DAB1: variants seen among roughly 807,000 people sequenced by gnomAD.
The protein encoded by DAB1 is DAB adaptor protein 1, also known as disabled homolog 1.
In DAB1, 15 loss-of-function variants were observed where a neutral mutation model predicts 64.6. The ratio of observed to expected loss-of-function variants is 0.23; its 90% CI spans 0.16 to 0.36. DAB1 has a LOEUF of 0.36. Among genes scored for constraint, DAB1 ranks in the 10% least tolerant of loss-of-function variants. The pLI, the probability that DAB1 is intolerant of heterozygous loss-of-function variation, is 1.00. For synonymous variants in DAB1, 235 were observed against 251.9 expected (o/e 0.93, Z 0.64); for missense variants, 596 against 706.7 (o/e 0.84, Z 1.78).
intron 2 of DAB1, among the ~76,000 whole-genome samples, chr1:58,523,617 T>C (rs188186044): frequency 3.7e-3 from 560 of 152,224 alleles, no homozygotes; most frequent in Non-Finnish European, 6.2e-3. Context: ...CTGGCAGTCC[T>C]GGCCGGGCGC....
At chr1:57,535,582 C>T (rs1644717333) in intron 7 of DAB1, among the ~76,000 whole-genome samples, 1 of 151,624 alleles carries the variant, frequency 6.6e-6, no homozygotes, top group Non-Finnish European at 1.5e-5. Flanking sequence ...CCTGCCTCAG[C>T]CTCCTGAGTA....
At chr1:57,493,012 C>T (rs780276615) in intron 7 of DAB1, among the ~76,000 whole-genome samples, 17 of 152,082 alleles carry the variant, frequency 1.1e-4, no homozygotes, top group Non-Finnish European at 2.1e-4. Context: ...CTTCTATGCC[C>T]CTATGCTACC....
chr1:57,910,055 A>T (rs1410042254), intron 5 of DAB1, among the ~76,000 whole-genome samples: 1 of 152,232 alleles, frequency 6.6e-6, no homozygotes, highest in Non-Finnish European at 1.5e-5. Flanking sequence ...CCCATTAATT[A>T]ACTGTTTAAC....
At chr1:57,381,155 G>A (rs1681338895) in intron 1 of DAB1, among the ~76,000 whole-genome samples, 1 of 152,096 alleles carries the variant, frequency 6.6e-6, no homozygotes, top group African/African-American at 2.4e-5. Flanking sequence ...CTAGTTCTTA[G>A]TTATATACAA....
chr1:57,089,227 A>T (rs1480844060), intron 4 of DAB1, among the ~76,000 whole-genome samples: 2 of 152,332 alleles, frequency 1.3e-5, no homozygotes, highest in East Asian at 1.9e-4. Context: ...GTATCCCATG[A>T]GGGAATAACT....
chr1:57,297,953 C>A (rs1673338123), intron 1 of DAB1, among the ~76,000 whole-genome samples: 3 of 152,090 alleles, frequency 2.0e-5, no homozygotes, highest in African/African-American at 7.2e-5. Flanking sequence ...TCCTTTCTTC[C>A]TGAGCTCTAA....
chr1:57,910,922 T>A (rs146473796), intron 5 of DAB1, among the ~76,000 whole-genome samples: 146 of 152,278 alleles, frequency 9.6e-4, no homozygotes, highest in African/African-American at 3.2e-3. Context: ...CAAACAGGAA[T>A]GATACTGCCT....
At chr1:57,171,591 G>A (rs1242775561) in intron 2 of DAB1, among the ~76,000 whole-genome samples, 1 of 152,126 alleles carries the variant, frequency 6.6e-6, no homozygotes, top group Non-Finnish European at 1.5e-5. Flanking sequence ...AGTTCTTACT[G>A]TCAAATCTTC....
chr1:57,978,040 T>G (rs1226051715), intron 5 of DAB1, among the ~76,000 whole-genome samples: 1 of 152,186 alleles, frequency 6.6e-6, no homozygotes, highest in East Asian at 1.9e-4. Flanking sequence ...CCACTGATTT[T>G]CTTCACAGAA....
At chr1:57,900,758 C>G (rs755257107) in intron 5 of DAB1, among the ~76,000 whole-genome samples, 2 of 152,208 alleles carry the variant, frequency 1.3e-5, no homozygotes, top group Non-Finnish European at 2.9e-5. Flanking sequence ...CAGGCCTTCT[C>G]TGACTTCCCA....
At chr1:58,192,242 C>A (rs1205105065) in intron 4 of DAB1, among the ~76,000 whole-genome samples, 1 of 152,098 alleles carries the variant, frequency 6.6e-6, no homozygotes, top group Non-Finnish European at 1.5e-5. Context: ...GCTGGCAGGG[C>A]TAGGAATGGG....
At chr1:58,317,766 C>G (rs1662590817) in intron 4 of DAB1, among the ~76,000 whole-genome samples, 1 of 152,184 alleles carries the variant, frequency 6.6e-6, no homozygotes, top group East Asian at 1.9e-4. Flanking sequence ...GACTGAGAAC[C>G]TGCAGAAGAA....
chr1:58,429,739 G>T (rs1429352218), intron 3 of DAB1, among the ~76,000 whole-genome samples: 2 of 152,154 alleles, frequency 1.3e-5, no homozygotes, highest in African/African-American at 4.8e-5. Flanking sequence ...ATAGTCAGGG[G>T]CAAGGAACCC....
intron 2 of DAB1, among the ~76,000 whole-genome samples, chr1:57,278,202 A>T (rs1418131186): frequency 6.6e-6 from 1 of 152,170 alleles, no homozygotes; most frequent in Non-Finnish European, 1.5e-5. Flanking sequence ...TATTTACACG[A>T]TGGGTGACAT....
intron 1 of DAB1, among the ~76,000 whole-genome samples, chr1:57,366,612 T>C (rs1200234094): frequency 3.9e-5 from 6 of 152,234 alleles, no homozygotes; most frequent in Admixed American, 2.6e-4. Context: ...TAATGGCTAA[T>C]ACATATGTTA....
At chr1:57,469,351 T>C (rs979441315) in intron 7 of DAB1, among the ~76,000 whole-genome samples, 1 of 152,192 alleles carries the variant, frequency 6.6e-6, no homozygotes, top group African/African-American at 2.4e-5. Context: ...CATGGCTGGC[T>C]GGCTTCCAGT....
At chr1:58,056,533 G>T in intron 5 of DAB1, 1 of 969,506 alleles carries the variant, frequency 1.0e-6, no homozygotes, top group Non-Finnish European at 1.6e-6. Context: ...GTTGGGTTAT[G>T]TCACCTTGCT....
At chr1:57,160,164 G>A (rs564056980) in intron 2 of DAB1, among the ~76,000 whole-genome samples, 47 of 152,258 alleles carry the variant, frequency 3.1e-4, no homozygotes, top group African/African-American at 9.6e-4. Flanking sequence ...GGTATGTGTT[G>A]CCATTAAGAG....
At chr1:57,811,383 G>T (rs926921188) in intron 6 of DAB1, among the ~76,000 whole-genome samples, 12 of 152,158 alleles carry the variant, frequency 7.9e-5, no homozygotes, top group African/African-American at 2.9e-4. Context: ...GTTTAAAAGT[G>T]TGTAGCACCT....
Sources: allele counts gnomAD v4.1 joint callset (sites outside exome capture counted in the v4.1 genomes callset), GRCh38; gene constraint gnomAD v4.1.1; transcripts MANE v1.5; gene names NCBI Gene and HGNC (gene_info 2026-07-23, HGNC 2026-07-21).